Variants in STK24 observed in about 807,000 individuals in gnomAD.
STK24 encodes the protein serine/threonine kinase 24, also known as serine/threonine-protein kinase 24.
STK24 carries 21 observed loss-of-function variants against 55.6 expected under a neutral mutation model. The observed-to-expected ratio is 0.38, with a 90% CI of 0.27 to 0.54. STK24 has a LOEUF of 0.54. Among genes scored for constraint, STK24 ranks in the 20% least tolerant of loss-of-function variants. The pLI is 0.79. For synonymous variants in STK24, 200 were observed against 215.2 expected (o/e 0.93, Z 0.62); for missense variants, 383 against 538.4 (o/e 0.71, Z 2.86).
chr13:98,575,287 G>C (rs1259874624), intron 1 of STK24, among the ~76,000 whole-genome samples: 2 of 151,992 alleles, frequency 1.3e-5, no homozygotes, highest in Admixed American at 1.3e-4. Context: ...GTCGACAAAA[G>C]AATATTCTTC....
chr13:98,554,747 G>A (rs556203031), intron 1 of STK24, among the ~76,000 whole-genome samples: 1 of 152,246 alleles, frequency 6.6e-6, no homozygotes, highest in East Asian at 1.9e-4. Flanking sequence ...AGGCGCGGTG[G>A]CTCACACCTA....
rs774881342 is a variant in STK24, at chr13:98,446,076, C to G, written c.*7097G>C. ...TGGGGCAGGTGCCCGCTGTGCTTCTCACAGGCCTCCTTGCCTTTCAGAATC... is the reference window on the plus strand; with the variant it reads ...TGGGGCAGGTGCCCGCTGTGCTTCTGACAGGCCTCCTTGCCTTTCAGAATC... On this transcript the variant is annotated 3_prime_UTR_variant, in exon 11 of 11. Coordinates refer to ENST00000539966, the MANE Select transcript of STK24 (RefSeq NM_001032296.4). The G allele has an allele frequency of 6.4e-7, 1 of 1,560,136 alleles. No homozygotes were observed. Among genetic ancestry groups the G allele is most frequent in the South Asian group, 1.1e-5 (1 of 89,828 alleles).
At position 98,572,978 on chromosome 13, in the gene STK24, T is replaced by C. The variant is rs565268142; in HGVS notation, c.42+3767A>G. 3.9e-4 allele frequency among the ~76,000 whole-genome samples: 60 copies of C among 152,146 alleles called. 1 individual carries two copies. The highest frequency in any genetic ancestry group is 6.9e-4 in the Non-Finnish European group (47 of 68,034). ...ACAAGCACAGGCTGAGCATCCCTGA[T>C]CCAAAATGCTCCAAAATATGAAACT... On this transcript the variant is annotated intron_variant, in intron 1 of 10. Coordinates refer to ENST00000539966, the MANE Select transcript of STK24 (RefSeq NM_001032296.4).
chr13:98,538,932 G>A (rs1275207084), intron 1 of STK24, among the ~76,000 whole-genome samples: 1 of 152,206 alleles, frequency 6.6e-6, no homozygotes, highest in African/African-American at 2.4e-5. Flanking sequence ...CTCGCCACCT[G>A]TCACAATTTC....
intron 1 of STK24, chr13:98,542,999 C>A: frequency 7.1e-6 from 7 of 985,326 alleles, no homozygotes; most frequent in Non-Finnish European, 8.4e-6. Context: ...AAACAGCAGC[C>A]AGCTAGCGTG....
chr13:98,502,248 G>A (rs572837328), intron 2 of STK24, among the ~76,000 whole-genome samples: 1 of 152,278 alleles, frequency 6.6e-6, no homozygotes, highest in African/African-American at 2.4e-5. Context: ...CATCTGCTAT[G>A]TTCCTATCTG....
chr13:98,561,218 C>T (rs1897410638), intron 1 of STK24, among the ~76,000 whole-genome samples: 1 of 152,214 alleles, frequency 6.6e-6, no homozygotes, highest in Admixed American at 6.5e-5. Flanking sequence ...TTAAATAACA[C>T]ACTGCTTTCC....
chr13:98,447,984 C>T lies in STK24; in HGVS notation c.*5189G>A. On this transcript the variant is annotated 3_prime_UTR_variant, in exon 11 of 11. Transcript: ENST00000539966. ...CCAGAGGCCACCTCGCTCCTAACTG[C>T]TCCAATGGAGCGGGCAGTGTCACTG... 1 of 543,042 alleles carries T rather than the reference C, an allele frequency of 1.8e-6. No homozygotes were observed. Among genetic ancestry groups the T allele is most frequent in the Non-Finnish European group, 3.3e-6 (1 of 304,868 alleles). 33.6% of individuals were successfully genotyped at this position (543,042 alleles called of 1,614,324 possible).
At chr13:98,557,727 T>A (rs1897315388) in intron 1 of STK24, among the ~76,000 whole-genome samples, 1 of 152,230 alleles carries the variant, frequency 6.6e-6, no homozygotes, top group African/African-American at 2.4e-5. Context: ...TGGGTGATAA[T>A]GACAAGGTAG....
chr13:98,494,093 C>T (rs1465155003), intron 2 of STK24, among the ~76,000 whole-genome samples: 1 of 147,752 alleles, frequency 6.8e-6, no homozygotes, highest in East Asian at 2.1e-4. Context: ...CCGCCCGCCT[C>T]GGCCTCCCAA....
chr13:98,567,882 G>C (rs147992857), intron 1 of STK24, among the ~76,000 whole-genome samples: 1 of 135,168 alleles, frequency 7.4e-6, no homozygotes, highest in Non-Finnish European at 1.5e-5. Flanking sequence ...CTGAAACAGA[G>C]AGAAGACAAC....
Position 98,448,252 on chromosome 13 carries a change from C to G in STK24, c.*4921G>C. On this transcript the variant is annotated 3_prime_UTR_variant, in exon 11 of 11. Transcript: ENST00000539966. ...GTGTTGCAGGTGGATGGAAGTGATC[C>G]GCAGTGCCACCAGCTCTGCCTCGCG... is the stretch of plus-strand genomic sequence containing the variant. 1 of 1,613,852 alleles carries G rather than the reference C, an allele frequency of 6.2e-7. No homozygotes were observed.
chr13:98,494,988 C>T (rs868520772), intron 2 of STK24, among the ~76,000 whole-genome samples: 1 of 152,212 alleles, frequency 6.6e-6, no homozygotes, highest in African/African-American at 2.4e-5. Context: ...TGTGGCAGCA[C>T]ATAAAACCCA....
At position 98,446,994 on chromosome 13, in the gene STK24, G is replaced by A; in HGVS notation, c.*6179C>T. The A allele has an allele frequency of 1.5e-6, 1 of 645,312 alleles. No individual in the cohort carries two copies. Among genetic ancestry groups the A allele is most frequent in the Non-Finnish European group, 2.6e-6 (1 of 378,738 alleles). The allele number at this position is 645,312 out of a possible 1,614,324, so 40.0% of individuals were successfully genotyped here. ...GGCGATTCTGTTCTCATGGCAGAAAGTGGGGTCCCAACTTCCCTGCGCCCT... is the reference window on the plus strand; with the variant it reads ...GGCGATTCTGTTCTCATGGCAGAAAATGGGGTCCCAACTTCCCTGCGCCCT... On this transcript the variant is annotated 3_prime_UTR_variant, in exon 11 of 11. Coordinates refer to ENST00000539966, the MANE Select transcript of STK24 (RefSeq NM_001032296.4).
At chr13:98,561,209 T>G (rs1187572947) in intron 1 of STK24, among the ~76,000 whole-genome samples, 2 of 152,182 alleles carry the variant, frequency 1.3e-5, no homozygotes, top group East Asian at 1.9e-4. Context: ...TAAAACTCAT[T>G]AAATAACACA....
chr13:98,475,424 C>A (rs1212130717), intron 3 of STK24, 66 bp from the exon 4 acceptor site: 1 of 1,117,662 alleles, frequency 8.9e-7, no homozygotes, highest in South Asian at 1.4e-5. Flanking sequence ...TGAGATAAAA[C>A]AGAAACACTA....
chr13:98,570,261 A>G (rs1705327684), intron 1 of STK24, among the ~76,000 whole-genome samples: 1 of 152,202 alleles, frequency 6.6e-6, no homozygotes, highest in Admixed American at 6.5e-5. Flanking sequence ...CCCTCGGGGA[A>G]TAAGAAATGG....
chr13:98,522,810 C>A (rs756935849), intron 1 of STK24, among the ~76,000 whole-genome samples: 2 of 152,166 alleles, frequency 1.3e-5, no homozygotes, highest in Non-Finnish European at 2.9e-5. Context: ...TAAGAAAACC[C>A]CAGACTCACC....
At chr13:98,524,759 T>G (rs958828274) in intron 1 of STK24, among the ~76,000 whole-genome samples, 1 of 152,210 alleles carries the variant, frequency 6.6e-6, no homozygotes, top group African/African-American at 2.4e-5. Context: ...TGTTCCAGAT[T>G]CTGGAATGTT....
Sources: allele counts gnomAD v4.1 joint callset (sites outside exome capture counted in the v4.1 genomes callset), GRCh38; gene constraint gnomAD v4.1.1; transcripts MANE v1.5; gene names NCBI Gene and HGNC (gene_info 2026-07-23, HGNC 2026-07-21).